Variants in CES2 observed in about 807,000 individuals in gnomAD.
CES2 encodes the protein carboxylesterase 2.
A neutral mutation model predicts 52.1 loss-of-function variants in CES2; 42 were observed. The observed-to-expected ratio is 0.81, with a 90% confidence interval of 0.63 to 1.04. CES2 has a LOEUF of 1.04. CES2 is among the 50% of genes least tolerant of loss of function. The probability of loss-of-function intolerance (pLI) is 0.00; values close to 1 mark genes in which losing one functional copy is unlikely to be tolerated. For synonymous variants in CES2, 277 were observed against 289.6 expected, an observed-to-expected ratio of 0.96 and a Z score of 0.44; for missense variants, 656 against 724.3, an observed-to-expected ratio of 0.91 and a Z score of 1.08.
At chr16:66,937,072 A>G (rs4783745) in intron 1 of CES2, among the ~76,000 whole-genome samples, 40,139 of 151,102 alleles carry the variant, frequency 0.27, 7,297 homozygotes, top group African/African-American at 0.52. Flanking sequence ...CAAGCTACTC[A>G]GGAGGCTGTG....
In CES2 at chr16:66,943,619, G is replaced by C. The variant is rs1935739233; in HGVS notation, c.1494-220G>C. 1.7e-6 allele frequency: 1 copy of C among 585,102 alleles called. No homozygotes were observed. Among genetic ancestry groups the C allele is most frequent in the South Asian group, 2.2e-5 (1 of 44,788 alleles). The allele number at this position is 585,102 out of a possible 1,614,324, so 36.2% of individuals were successfully genotyped here. ...ACCGTCAGGGCCTCCCTCTCAGAGA[G>C]AGGGACACAACAGAGCTGGCTGCCC... On this transcript the variant is annotated intron_variant, in intron 11 of 11. Coordinates refer to ENST00000317091, the MANE Select transcript of CES2 (RefSeq NM_001365405.1). This position sits in a 1 kb window ranked among gnomAD's most constrained non-coding sequence, Gnocchi z 4.2.
Position 66,944,050 on chromosome 16 carries a change from TG to T in CES2, c.*28del. The T allele has an allele frequency of 9.7e-7, 1 of 1,036,074 alleles. No individual in the cohort carries two copies. The highest frequency in any genetic ancestry group is 1.4e-6 in the Non-Finnish European group (1 of 715,436). The allele number at this position is 1,036,074 out of a possible 1,614,324, so 64.2% of individuals were successfully genotyped here. On this transcript the variant is annotated 3_prime_UTR_variant, in exon 12 of 12. Transcript: ENST00000317091. ...GCTCCCTGTGCCGGGGAGGAGGGGGTGGGTTCGCTGACAGGCGAGGGTCAGC... is the reference window on the plus strand; with the variant it reads ...GCTCCCTGTGCCGGGGAGGAGGGGGTGGTTCGCTGACAGGCGAGGGTCAGC...
chr16:66,941,639 TC>T lies in CES2; in HGVS notation c.1053del (p.Lys352ArgfsTer3). The T allele has an allele frequency of 1.2e-6, 2 of 1,613,992 alleles. No homozygotes were observed. The highest frequency in any genetic ancestry group is 4.5e-5 in the East Asian group (2 of 44,860). ...AACAACAATGAATTCGGCTGGCTCA[TC>T]CCCAAGGTGAGCCCCAACCCAAGCC... is the stretch of plus-strand genomic sequence containing the variant. Reference protein sequence around the residue: ...GVNNNEFGWLIPKVMRIYDTQ... With the variant: ...GVNNNEFGWLXPKVMRIYDTQ... On this transcript the variant is annotated frameshift_variant, in exon 7 of 12. Transcript: ENST00000317091. LOFTEE classifies it high-confidence loss of function.
chr16:66,937,698 T>C (rs952375299), intron 1 of CES2, among the ~76,000 whole-genome samples: 2 of 152,204 alleles, frequency 1.3e-5, no homozygotes, highest in Admixed American at 6.5e-5. Flanking sequence ...GACAAGAAAC[T>C]TGCCTGCCCA....
rs1259696385 is a variant in CES2, at chr16:66,943,876, T to A, written c.1531T>A (p.Phe511Ile). ...CGAGGGTCTGCCACACTGGCCGCTG[T>A]TCGACCAGGAGGAGCAATACCTGCA... ...NGEGLPHWPL[F>I]DQEEQYLQLN... Residue 511 changes from phenylalanine (F) to isoleucine (I), a missense_variant, in exon 12 of 12, where the codon TTC (phenylalanine) becomes ATC (isoleucine). Transcript: ENST00000317091. The surrounding 1 kb of genome is among the most constrained non-coding windows in gnomAD (Gnocchi z 4.2). 6.2e-7 allele frequency: 1 copy of A among 1,606,582 alleles called. No homozygotes were observed. Among genetic ancestry groups the A allele is most frequent in the Non-Finnish European group, 8.5e-7 (1 of 1,174,702 alleles).
rs781645148 is a variant in CES2, at chr16:66,940,685, T to C, written c.806T>C (p.Val269Ala). Reference protein sequence around the residue: ...LPGLIASSADVISTVVANLSA... With the variant: ...LPGLIASSADAISTVVANLSA... Reference sequence around the variant, plus strand: ...GGCCTCATTGCCAGCTCAGCTGATGTCATCTCCACGGTGAGTGCCCTCAGC... The same window carrying C: ...GGCCTCATTGCCAGCTCAGCTGATGCCATCTCCACGGTGAGTGCCCTCAGC... The change falls in exon 5 of 12, where the codon GTC becomes GCC. Residue 269 changes from valine (V) to alanine (A), a missense_variant. By Grantham distance (64) the Val-to-Ala change is moderately conservative. Transcript: ENST00000317091. 4 of 1,614,092 alleles carry C rather than the reference T, an allele frequency of 2.5e-6. No homozygotes were observed. The highest frequency in any genetic ancestry group is 3.4e-6 in the Non-Finnish European group (4 of 1,180,014).
rs1048899864 is a variant in CES2, at chr16:66,943,685, C to T, written c.1494-154C>T. ...TGGTGCTGACACTAGCCAGAGGGAG[C>T]TTATTTCCTGTTTCTGGAAGCCTCC... is the stretch of plus-strand genomic sequence containing the variant. On this transcript the variant is annotated intron_variant, in intron 11 of 11. Coordinates refer to ENST00000317091, the MANE Select transcript of CES2 (RefSeq NM_001365405.1). The surrounding 1 kb of genome is among the most constrained non-coding windows in gnomAD (Gnocchi z 4.2). 2 of 621,320 alleles carry T rather than the reference C, an allele frequency of 3.2e-6. No homozygotes were observed. Among genetic ancestry groups the T allele is most frequent in the Non-Finnish European group, 5.6e-6 (2 of 359,312 alleles). The allele number at this position is 621,320 out of a possible 1,614,324, so 38.5% of individuals were successfully genotyped here.
chr16:66,939,502 C>T, intron 3 of CES2, 144 bp downstream of exon 3: 2 of 868,868 alleles, frequency 2.3e-6, no homozygotes, highest in South Asian at 1.6e-5. Context: ...ATGCTCCTTA[C>T]CCAGACTGGG....
chr16:66,935,327 C>T (rs1211615123), upstream of CES2: 2 of 1,168,796 alleles, frequency 1.7e-6, no homozygotes, highest in African/African-American at 1.5e-5. Context: ...GAGAGGATTC[C>T]CTGGATCGCG....
intron 1 of CES2, chr16:66,936,023 T>C (rs945117078): frequency 3.3e-5 from 43 of 1,309,688 alleles, no homozygotes; most frequent in Non-Finnish European, 4.0e-5. Flanking sequence ...GGTGTGGGGA[T>C]TCAGTCCATT....
Position 66,939,376 on chromosome 16 carries a change from G to A in CES2, c.423+18G>A, listed in dbSNP as rs778899111. On this transcript the variant is annotated intron_variant, in intron 3 of 11. Transcript: ENST00000317091. ...ACCTGCCGGTGGGTGTCAGGCCACA[G>A]TTCACTGGGGGTTGGAGGACAGTTC... is the stretch of plus-strand genomic sequence containing the variant. The A allele has an allele frequency of 1.2e-6, 2 of 1,613,592 alleles. No individual in the cohort carries two copies. The highest frequency in any genetic ancestry group is 1.7e-6 in the Non-Finnish European group (2 of 1,179,664).
rs553946309 is a variant in CES2 at position 66,937,980 on chromosome 16, T to G, written c.77-57T>G. 362 of 1,423,476 alleles carry G rather than the reference T, an allele frequency of 2.5e-4. 1 individual carries two copies. The African/African-American group carries it at 4.7e-3, about 19-fold the overall frequency. The allele number at this position is 1,423,476 out of a possible 1,614,324, so 88.2% of individuals were successfully genotyped here. On this transcript the variant is annotated intron_variant, in intron 1 of 11. Coordinates refer to ENST00000317091, the MANE Select transcript of CES2 (RefSeq NM_001365405.1). Reference sequence around the variant, plus strand: ...GGCAAGGAAGCAGCAATACCAACAGTTGGGAGGGCAGTCGATTGGTCAAAC... The same window carrying G: ...GGCAAGGAAGCAGCAATACCAACAGGTGGGAGGGCAGTCGATTGGTCAAAC...
chr16:66,941,038 G>T lies in CES2; in HGVS notation c.817-86G>T. ...TACGAAGTACCCTCTGAGATTTGGG[G>T]TACCCCTGTTCTTGGCCAGGGCCTT... On this transcript the variant is annotated intron_variant, in intron 5 of 11. Coordinates refer to ENST00000317091, the MANE Select transcript of CES2 (RefSeq NM_001365405.1). 1.9e-6 allele frequency: 3 copies of T among 1,567,514 alleles called. No individual in the cohort carries two copies. The South Asian group carries it at 3.5e-5, about 18-fold the overall frequency.
At chr16:66,939,028 T>G (rs1052659556) in intron 2 of CES2, among the ~76,000 whole-genome samples, 189 bp from the exon 3 acceptor site, 3 of 152,128 alleles carry the variant, frequency 2.0e-5, no homozygotes, top group African/African-American at 7.2e-5. Flanking sequence ...TCCCTGGAAG[T>G]CCAAGCTGCA....
At chr16:66,941,475 C>T (rs373862897) in intron 6 of CES2, 31 bp from the exon 7 acceptor site, 2 of 1,611,572 alleles carry the variant, frequency 1.2e-6, no homozygotes, top group Non-Finnish European at 1.7e-6. Flanking sequence ...TGGGACCTGA[C>T]CTTGTTCCCT....
chr16:66,944,046 G>A lies in CES2; in HGVS notation c.*21G>A. Reference sequence around the variant, plus strand: ...TGTAGCTCCCTGTGCCGGGGAGGAGGGGGTGGGTTCGCTGACAGGCGAGGG... The same window carrying A: ...TGTAGCTCCCTGTGCCGGGGAGGAGAGGGTGGGTTCGCTGACAGGCGAGGG... On this transcript the variant is annotated 3_prime_UTR_variant, in exon 12 of 12. Coordinates refer to ENST00000317091, the MANE Select transcript of CES2 (RefSeq NM_001365405.1). The A allele has an allele frequency of 1.5e-6, 2 of 1,377,004 alleles. No individual in the cohort carries two copies. The highest frequency in any genetic ancestry group is 2.4e-5 in the Admixed American group (1 of 41,770). 85.3% of individuals were successfully genotyped at this position (1,377,004 alleles called of 1,614,324 possible). A position where few individuals can be genotyped will look rare whatever the true frequency, so the allele number is the denominator to read the frequency against.
intron 1 of CES2, chr16:66,936,118 T>C: frequency 2.6e-6 from 2 of 768,302 alleles, no homozygotes; most frequent in Admixed American, 4.1e-5. Flanking sequence ...TCTCAGTGTG[T>C]GGCGTCCTTG....
Position 66,943,149 on chromosome 16 carries a change from A to G in CES2, c.1421-150A>G, listed in dbSNP as rs1963404707. The G allele has an allele frequency of 2.4e-6, 2 of 825,758 alleles. No individual in the cohort carries two copies. The highest frequency in any genetic ancestry group is 1.8e-5 in the South Asian group (1 of 56,932). 51.2% of individuals were successfully genotyped at this position (825,758 alleles called of 1,614,324 possible). On this transcript the variant is annotated intron_variant, in intron 10 of 11. Coordinates refer to ENST00000317091, the MANE Select transcript of CES2 (RefSeq NM_001365405.1). The surrounding 1 kb of genome is among the most constrained non-coding windows in gnomAD (Gnocchi z 4.2). ...AGCCTGGTCTACAGGGAAAGTTTGGAAAAGGGGAGGGCTGGCTTCTGAGGG... is the reference window on the plus strand; with the variant it reads ...AGCCTGGTCTACAGGGAAAGTTTGGGAAAGGGGAGGGCTGGCTTCTGAGGG...
rs1456438523 is a variant in CES2 at position 66,939,260 on chromosome 16, C to T, written c.325C>T (p.Gln109Ter). 1 of 1,613,778 alleles carries T rather than the reference C, an allele frequency of 6.2e-7. No individual in the cohort carries two copies. Among genetic ancestry groups the T allele is most frequent in the Non-Finnish European group, 8.5e-7 (1 of 1,179,758 alleles). The change falls in exon 3 of 12, where the codon CAG becomes TAG. Residue 109 changes from glutamine (Q) to a stop codon, truncating the protein, a stop_gained. Transcript: ENST00000317091. LOFTEE classifies it high-confidence loss of function. ...LTAVESEFLS[Q>*]FNMTFPSDSM... is the part of the protein sequence containing the mutation. ...CGCAGTGGAGTCAGAGTTTCTTAGC[C>T]AGTTCAACATGACCTTCCCTTCCGA...
Sources: allele counts gnomAD v4.1 joint callset (sites outside exome capture counted in the v4.1 genomes callset), GRCh38; gene constraint gnomAD v4.1.1; non-coding constraint Gnocchi (gnomAD v3.1); transcripts MANE v1.5; gene names NCBI Gene and HGNC (gene_info 2026-07-23, HGNC 2026-07-21).